The following LIPM variants were observed in gnomAD, a reference collection of about 807,000 sequenced individuals.
LIPM encodes lipase member M.
In LIPM, 42 loss-of-function variants were observed where a neutral mutation model predicts 42.4. The ratio of observed to expected loss-of-function variants is 0.99; its 90% CI spans 0.77 to 1.28. The LOEUF (loss-of-function observed/expected upper bound fraction) is 1.28, where lower values mean the gene tolerates loss of function less well. LIPM is among the 50% of genes most tolerant of loss of function. The pLI is 0.00. For synonymous variants in LIPM, 177 were observed against 173.3 expected (o/e 1.02, Z -0.17); for missense variants, 524 against 520.1 (o/e 1.01, Z -0.07).
At chr10:88,803,135 G>A (rs1407223870) in intron 1 of LIPM, 92 bp downstream of exon 1, 5 of 1,344,256 alleles carry the variant, frequency 3.7e-6, no homozygotes, top group African/African-American at 1.5e-5. Context: ...TATACATGGT[G>A]GTGATTCATA....
chr10:88,820,432 T>C lies in LIPM; in HGVS notation c.1203T>C (p.Asn401=). ...TGGATGCTCCTCACCGTATGTACAA[T>C]GAAATCATCCATCTGATGCAGCAGG... The part of the protein sequence containing the change: ...WGLDAPHRMY[N]EIIHLMQQEE... Residue 401 remains asparagine (N), a synonymous_variant, in exon 9 of 9, where the codon AAT becomes AAC. Coordinates refer to ENST00000404743, the MANE Select transcript of LIPM (RefSeq NM_001128215.1). 6.4e-7 allele frequency: 1 copy of C among 1,552,084 alleles called. No homozygotes were observed. The highest frequency in any genetic ancestry group is 1.2e-5 in the South Asian group (1 of 84,062).
Position 88,820,427 on chromosome 10 carries a change from T to C in LIPM, c.1198T>C (p.Tyr400His). ...GGGTTTGGATGCTCCTCACCGTATG[T>C]ACAATGAAATCATCCATCTGATGCA... The part of the protein sequence containing the change: ...IWGLDAPHRM[Y>H]NEIIHLMQQE... The change falls in exon 9 of 9, where the codon TAC becomes CAC. Residue 400 changes from tyrosine (Y) to histidine (H), a missense_variant. By Grantham distance (83) the Tyr-to-His change is moderately conservative. Coordinates refer to ENST00000404743, the MANE Select transcript of LIPM (RefSeq NM_001128215.1). 1.9e-6 allele frequency: 3 copies of C among 1,552,088 alleles called. No homozygotes were observed. Among genetic ancestry groups the C allele is most frequent in the Non-Finnish European group, 2.6e-6 (3 of 1,147,054 alleles).
At position 88,808,281 on chromosome 10, in the gene LIPM, T is replaced by G. The variant is rs1843612187; in HGVS notation, c.148-17T>G. 1 of 1,417,880 alleles carries G rather than the reference T, an allele frequency of 7.1e-7. No homozygotes were observed. Among genetic ancestry groups the G allele is most frequent in the South Asian group, 1.2e-5 (1 of 81,166 alleles). The allele number at this position is 1,417,880 out of a possible 1,614,324, so 87.8% of individuals were successfully genotyped here. ...CACAGAGAACTGAACCTAAAAGAAA[T>G]TGTGCTTTTTCCATAGAGTGAAATC... On this transcript the variant is annotated splice_polypyrimidine_tract_variant and intron_variant, in intron 1 of 8. Coordinates refer to ENST00000404743, the MANE Select transcript of LIPM (RefSeq NM_001128215.1).
chr10:88,809,242 AC>A (rs1843625369), intron 2 of LIPM, among the ~76,000 whole-genome samples: 1 of 152,144 alleles, frequency 6.6e-6, no homozygotes, highest in Admixed American at 6.5e-5. Flanking sequence ...GGCATGAGCC[AC>A]CGCGCCTGGC....
chr10:88,813,930 C>T (rs954719057), intron 3 of LIPM, among the ~76,000 whole-genome samples: 5 of 152,084 alleles, frequency 3.3e-5, no homozygotes, highest in Admixed American at 6.5e-5. Context: ...ACAGGGGAAA[C>T]CACTCCCATG....
intron 2 of LIPM, 32 bp from the exon 3 acceptor site, chr10:88,813,065 T>C (rs918266833): frequency 6.5e-7 from 1 of 1,529,888 alleles, no homozygotes; most frequent in Non-Finnish European, 8.9e-7. Context: ...GGAGAGAACA[T>C]TTCATACAGT....
chr10:88,812,921 A>G (rs1843671126), intron 2 of LIPM, among the ~76,000 whole-genome samples, 176 bp from the exon 3 acceptor site: 1 of 152,244 alleles, frequency 6.6e-6, no homozygotes, highest in African/African-American at 2.4e-5. Context: ...TATTTTACTG[A>G]TGAGGAAATC....
chr10:88,807,056 A>G (rs1483605202), intron 1 of LIPM, among the ~76,000 whole-genome samples: 3 of 152,198 alleles, frequency 2.0e-5, no homozygotes, highest in Non-Finnish European at 2.9e-5. Flanking sequence ...TATACACTGC[A>G]TTCCATAATA....
chr10:88,813,788 A>G (rs1378903667), intron 3 of LIPM, among the ~76,000 whole-genome samples: 1 of 152,166 alleles, frequency 6.6e-6, no homozygotes, highest in Non-Finnish European at 1.5e-5. Flanking sequence ...GAAACTTACA[A>G]TCATGGCAGA....
Position 88,816,831 on chromosome 10 carries a change from T to C in LIPM, c.874T>C (p.Tyr292His). Residue 292 changes from tyrosine (Y) to histidine (H), a missense_variant, in exon 7 of 9, where the codon TAT (tyrosine) becomes CAT (histidine). Physicochemically the swap from Tyr to His is moderately conservative, Grantham distance 83. Coordinates refer to ENST00000404743, the MANE Select transcript of LIPM (RefSeq NM_001128215.1). ...NNMNMSRASV[Y>H]AAHTLAGTSV... Reference sequence around the variant, plus strand: ...TTTGTTACAGAGCCGAGCAAGTGTATATGCTGCCCACACTCTTGCTGGAAC... The same window carrying C: ...TTTGTTACAGAGCCGAGCAAGTGTACATGCTGCCCACACTCTTGCTGGAAC... 1.3e-6 allele frequency: 2 copies of C among 1,551,350 alleles called. No individual in the cohort carries two copies. The highest frequency in any genetic ancestry group is 1.7e-6 in the Non-Finnish European group (2 of 1,146,676).
At chr10:88,804,434 C>T (rs1266819879) in intron 1 of LIPM, among the ~76,000 whole-genome samples, 5 of 152,144 alleles carry the variant, frequency 3.3e-5, no homozygotes, top group East Asian at 1.9e-4. Flanking sequence ...ATAGAAAATT[C>T]GTACGATTGG....
chr10:88,816,022 G>A (rs1326984088), intron 6 of LIPM, among the ~76,000 whole-genome samples: 1 of 152,188 alleles, frequency 6.6e-6, no homozygotes, highest in East Asian at 1.9e-4. Flanking sequence ...AAAGAAACAG[G>A]ACTAGGTAGG....
rs1589316688 is a variant in LIPM, at chr10:88,815,291, T to C, written c.712-66T>C. On this transcript the variant is annotated intron_variant, in intron 5 of 8. Transcript: ENST00000404743. ...TCTTCCAGCCCAATTTCCTAAAACA[T>C]AAACTTTTAAATTACAGTCACATCT... The C allele has an allele frequency of 3.2e-6, 5 of 1,547,510 alleles. No homozygotes were observed. The East Asian group carries it at 1.2e-4, about 38-fold the overall frequency.
intron 4 of LIPM, among the ~76,000 whole-genome samples, 200 bp from the exon 5 acceptor site, chr10:88,814,888 T>C (rs745797801): frequency 1.1e-4 from 16 of 152,226 alleles, no homozygotes; most frequent in Non-Finnish European, 2.2e-4. Context: ...CATCGTGTTA[T>C]TCAATTATTT....
intron 2 of LIPM, among the ~76,000 whole-genome samples, chr10:88,812,291 G>A (rs545010756): frequency 2.0e-5 from 3 of 152,184 alleles, no homozygotes; most frequent in South Asian, 2.1e-4. Flanking sequence ...TCATTAAGGT[G>A]GTATCTGCCA....
Position 88,814,589 on chromosome 10 carries a change from C to T in LIPM, c.524C>T (p.Thr175Met), listed in dbSNP as rs1004040373. Residue 175 changes from threonine to methionine, a missense_variant, in exon 4 of 9, where the codon ACG becomes ATG. Thr to Met is a moderately conservative substitution (Grantham distance 81, BLOSUM62 -1). Coordinates refer to ENST00000404743, the MANE Select transcript of LIPM (RefSeq NM_001128215.1). ...PAVINFILQK[T>M]GQEKIYYVGY... is the part of the protein sequence containing the mutation. The stretch of plus-strand genomic sequence containing the variant: ...GTGATAAACTTTATTTTGCAGAAAA[C>T]GGGCCAGGAAAAGATCTATTATGTC... 12 of 1,551,602 alleles carry T rather than the reference C, an allele frequency of 7.7e-6. No individual in the cohort carries two copies. The highest frequency in any genetic ancestry group is 2.7e-5 in the African/African-American group (2 of 72,934).
Position 88,820,539 on chromosome 10 carries a change from G to C in LIPM, c.*38G>C. ...TGACGATCTTAGGACAACCTCCTGA[G>C]GGATGGGGCTAGGACCCATGAAGGC... On this transcript the variant is annotated 3_prime_UTR_variant, in exon 9 of 9. Transcript: ENST00000404743. The C allele has an allele frequency of 1.3e-6, 2 of 1,533,286 alleles. No individual in the cohort carries two copies. The highest frequency in any genetic ancestry group is 2.4e-5 in the South Asian group (2 of 81,742). 95.0% of individuals were successfully genotyped at this position (1,533,286 alleles called of 1,614,324 possible). A position where few individuals can be genotyped will look rare whatever the true frequency, so the allele number is the denominator to read the frequency against.
In LIPM at chr10:88,802,950, G is replaced by C. The variant is rs1200713254; in HGVS notation, c.54G>C (p.Trp18Cys). Reference protein sequence around the residue: ...QWIVSHRMEMWLLILVAYMFQ... With the variant: ...QWIVSHRMEMCLLILVAYMFQ... ...TTGTCTCACACAGAATGGAAATGTG[G>C]CTTCTGATTCTGGTGGCGTATATGT... Residue 18 changes from tryptophan to cysteine, a missense_variant, in exon 1 of 9, where the codon TGG becomes TGC. Transcript: ENST00000404743. The C allele has an allele frequency of 6.4e-6, 10 of 1,551,238 alleles. No homozygotes were observed. Among genetic ancestry groups the C allele is most frequent in the Non-Finnish European group, 7.8e-6 (9 of 1,146,696 alleles).
At chr10:88,819,299 A>C (rs1843757450) in intron 8 of LIPM, among the ~76,000 whole-genome samples, 1 of 152,188 alleles carries the variant, frequency 6.6e-6, no homozygotes, top group Non-Finnish European at 1.5e-5. Context: ...AAACAAACAC[A>C]CAAAAAAAAT....
Sources: gnomAD v4.1 joint callset for allele counts (sites outside exome capture counted in the v4.1 genomes callset) on GRCh38, gnomAD v4.1.1 for gene constraint, MANE v1.5 for transcripts, NCBI Gene and HGNC (gene_info 2026-07-23, HGNC 2026-07-21) for gene names.